The following SFXN5 variants were observed in gnomAD, a reference collection of about 807,000 sequenced individuals.
The protein encoded by SFXN5 is sideroflexin 5, also known as sideroflexin-5.
In SFXN5, 43 loss-of-function variants were observed where a neutral mutation model predicts 50.2. The observed-to-expected ratio is 0.86, with a 90% CI of 0.67 to 1.11. SFXN5 has a LOEUF of 1.11. SFXN5 is among the 50% of genes least tolerant of loss of function. The pLI is 0.00. For synonymous variants in SFXN5, 203 were observed against 185.8 expected, an observed-to-expected ratio of 1.09 and a Z score of -0.75; for missense variants, 463 against 454.1, an observed-to-expected ratio of 1.02 and a Z score of -0.18.
chr2:73,012,661 CACA>C (rs1675668920), intron 6 of SFXN5, among the ~76,000 whole-genome samples: 1 of 138,116 alleles, frequency 7.2e-6, no homozygotes, highest in Non-Finnish European at 1.5e-5. Flanking sequence ...CACACACACA[CACA>C]CACACACACA....
intron 9 of SFXN5, chr2:72,996,981 C>G (rs56232382): frequency 0.019 from 2,961 of 152,370 alleles, 44 homozygotes; most frequent in Non-Finnish European, 0.032. Flanking sequence ...CTCAGGGGAG[C>G]CTTTGGCCTT....
At chr2:73,021,487 T>A (rs1239458110) in intron 5 of SFXN5, among the ~76,000 whole-genome samples, 1 of 151,950 alleles carries the variant, frequency 6.6e-6, no homozygotes, top group East Asian at 1.9e-4. Flanking sequence ...CTGTCTCAAA[T>A]AAAAAGAAAG....
intron 2 of SFXN5, among the ~76,000 whole-genome samples, chr2:73,046,408 C>CAAA (rs113423799): frequency 2.8e-5 from 3 of 108,082 alleles, no homozygotes; most frequent in African/African-American, 6.4e-5. Flanking sequence ...GACTCCATCT[C>CAAA]AAAAAAAAAA....
rs1460548180 is a variant in SFXN5 at position 72,943,270 on chromosome 2, C to T, written c.*1752G>A. On this transcript the variant is annotated 3_prime_UTR_variant, in exon 14 of 14. Transcript: ENST00000272433. ...CCCATGGAAGGCCCACCTCAGCACA[C>T]TTCCCCTACCCTAAGATGCCACCCT... 1 of 152,360 alleles carries T rather than the reference C, an allele frequency of 6.6e-6. No homozygotes were observed. The highest frequency in any genetic ancestry group is 1.5e-5 in the Non-Finnish European group (1 of 68,136). The allele number at this position is 152,360 out of a possible 1,614,324, so 9.4% of individuals were successfully genotyped here. A position where few individuals can be genotyped will look rare whatever the true frequency, so the allele number is the denominator to read the frequency against.
At chr2:72,998,650 CT>C (rs1051131809) in intron 9 of SFXN5, 1 of 400,700 alleles carries the variant, frequency 2.5e-6, no homozygotes, top group African/African-American at 2.0e-5. Context: ...TGAGGAGCAG[CT>C]CTTCCGAGCA....
chr2:73,071,500 T>C, intron 1 of SFXN5, 104 bp downstream of exon 1: 10 of 1,070,964 alleles, frequency 9.3e-6, no homozygotes, highest in Non-Finnish European at 1.2e-5. Context: ...CAGGCTCCGC[T>C]GGCCGCGGGT....
intron 13 of SFXN5, among the ~76,000 whole-genome samples, chr2:72,957,356 A>C (rs1673215552): frequency 6.6e-6 from 1 of 152,190 alleles, no homozygotes; most frequent in South Asian, 2.1e-4. Flanking sequence ...TTTGACCCTC[A>C]GTACCATTTT....
chr2:73,038,046 G>GAT (rs1354953383), intron 3 of SFXN5, among the ~76,000 whole-genome samples: 1 of 152,176 alleles, frequency 6.6e-6, no homozygotes, highest in African/African-American at 2.4e-5. Flanking sequence ...TAACAACAGG[G>GAT]ATATGTTCTG....
chr2:72,998,758 G>A, intron 9 of SFXN5, 191 bp downstream of exon 9: 1 of 609,456 alleles, frequency 1.6e-6, no homozygotes. Flanking sequence ...ATTACAGGGA[G>A]CACCAGGTTG....
At chr2:73,039,670 G>T (rs1679367877) in intron 3 of SFXN5, among the ~76,000 whole-genome samples, 1 of 151,690 alleles carries the variant, frequency 6.6e-6, no homozygotes, top group Non-Finnish European at 1.5e-5. Flanking sequence ...CTGAAAGATA[G>T]AATATAAATT....
At position 72,988,458 on chromosome 2, in the gene SFXN5, C is replaced by T. The variant is rs76507712; in HGVS notation, c.535-110G>A. The T allele has an allele frequency of 7.7e-3, 7,229 of 937,308 alleles. 35 individuals are homozygous for T. The highest frequency in any genetic ancestry group is 9.6e-3 in the Non-Finnish European group (5,933 of 618,234). The allele number at this position is 937,308 out of a possible 1,614,324, so 58.1% of individuals were successfully genotyped here. A position where few individuals can be genotyped will look rare whatever the true frequency, so the allele number is the denominator to read the frequency against. On this transcript the variant is annotated intron_variant, in intron 9 of 13. Coordinates refer to ENST00000272433, the MANE Select transcript of SFXN5 (RefSeq NM_144579.3). ...TCAGAGAGTGAGGGATGTCATCTTT[C>T]CCCACAACTGCACCTCACACCCCTA...
chr2:73,061,398 G>T (rs1048025937), intron 1 of SFXN5, among the ~76,000 whole-genome samples: 2 of 151,406 alleles, frequency 1.3e-5, no homozygotes, highest in African/African-American at 4.9e-5. Context: ...AAAATAACAT[G>T]TGTAAAAATA....
At chr2:73,056,373 ACT>A in intron 2 of SFXN5, among the ~76,000 whole-genome samples, 2 of 146,682 alleles carry the variant, frequency 1.4e-5, no homozygotes, top group Middle Eastern at 6.9e-3. Context: ...CAAGAGCGAG[ACT>A]CTGTCTCAAA....
chr2:73,057,248 C>T (rs573202731), intron 2 of SFXN5, among the ~76,000 whole-genome samples: 3 of 152,308 alleles, frequency 2.0e-5, no homozygotes, highest in Non-Finnish European at 4.4e-5. Flanking sequence ...AAGCAATCCT[C>T]CCACCTGAGC....
intron 2 of SFXN5, among the ~76,000 whole-genome samples, chr2:73,057,098 G>T (rs550734972): frequency 6.6e-6 from 1 of 152,028 alleles, no homozygotes; most frequent in African/African-American, 2.4e-5. Context: ...CAGTAAGAAG[G>T]GATTAACTAC....
At chr2:72,948,664 T>C (rs1240057994) in intron 13 of SFXN5, among the ~76,000 whole-genome samples, 1 of 152,116 alleles carries the variant, frequency 6.6e-6, no homozygotes, top group Non-Finnish European at 1.5e-5. Flanking sequence ...CGAGGCCTCC[T>C]CCTCCTGGCA....
intron 1 of SFXN5, chr2:73,059,349 G>A (rs1682556776): frequency 3.0e-6 from 3 of 985,438 alleles, no homozygotes; most frequent in East Asian, 1.1e-4. Flanking sequence ...GGATGAAGGG[G>A]AAGCTGCAAT....
At chr2:72,964,463 G>A (rs891569830) in intron 12 of SFXN5, among the ~76,000 whole-genome samples, 13 of 152,270 alleles carry the variant, frequency 8.5e-5, no homozygotes, top group African/African-American at 2.9e-4. Flanking sequence ...TGAAGGGGCA[G>A]TGTCCTCATT....
intron 3 of SFXN5, among the ~76,000 whole-genome samples, chr2:73,029,705 G>A (rs1330948220): frequency 6.6e-6 from 1 of 152,200 alleles, no homozygotes; most frequent in Non-Finnish European, 1.5e-5. Context: ...GCCCTAGGAG[G>A]TTGGGATTAA....
Sources: gnomAD v4.1 joint callset for allele counts (sites outside exome capture counted in the v4.1 genomes callset) on GRCh38, gnomAD v4.1.1 for gene constraint, MANE v1.5 for transcripts, NCBI Gene and HGNC (gene_info 2026-07-23, HGNC 2026-07-21) for gene names.